The following RNF10 variants were observed in gnomAD, a reference collection of about 807,000 sequenced individuals.
The protein encoded by RNF10 is ring finger protein 10, also known as E3 ubiquitin-protein ligase RNF10.
In RNF10, 38 loss-of-function variants were observed where a neutral mutation model predicts 91.4. That is an observed-to-expected ratio of 0.42 (90% CI 0.32 to 0.54). RNF10 has a LOEUF of 0.54. Among genes scored for constraint, RNF10 ranks in the 20% least tolerant of loss-of-function variants. The probability of loss-of-function intolerance (pLI) is 0.16; values close to 1 mark genes in which losing one functional copy is unlikely to be tolerated. For synonymous variants in RNF10, 364 were observed against 366.3 expected, an observed-to-expected ratio of 0.99 and a Z score of 0.07; for missense variants, 945 against 1,012.0, an observed-to-expected ratio of 0.93 and a Z score of 0.90.
intron 10 of RNF10, among the ~76,000 whole-genome samples, chr12:120,564,175 G>A (rs972111515): frequency 6.6e-6 from 1 of 152,148 alleles, no homozygotes; most frequent in Admixed American, 6.5e-5. Context: ...TTCATTGATT[G>A]TAGTTTGGGG....
chr12:120,560,154 GT>G (rs71076633), intron 6 of RNF10, among the ~76,000 whole-genome samples: 89 of 132,382 alleles, frequency 6.7e-4, no homozygotes, highest in Middle Eastern at 4.1e-3. Flanking sequence ...GGTTTTTTTT[GT>G]TTTTTTTTTT....
intron 1 of RNF10, among the ~76,000 whole-genome samples, chr12:120,539,801 G>T (rs112380143): frequency 0.034 from 5,135 of 151,932 alleles, 293 homozygotes; most frequent in African/African-American, 0.12. Context: ...CTTGGCAGTT[G>T]TTCTCAGTGG....
At chr12:120,575,604 TC>T (rs777259411) in intron 14 of RNF10, 26 bp from the exon 15 acceptor site, 11 of 1,613,764 alleles carry the variant, frequency 6.8e-6, no homozygotes, top group Admixed American at 3.3e-5. Context: ...TTAAATTCTC[TC>T]CCCCACTTCT....
At chr12:120,560,154 G>GTTTTT (rs71076633) in intron 6 of RNF10, among the ~76,000 whole-genome samples, 1 of 132,412 alleles carries the variant, frequency 7.6e-6, no homozygotes, top group Non-Finnish European at 1.6e-5. Context: ...GGTTTTTTTT[G>GTTTTT]TTTTTTTTTT....
chr12:120,541,333 C>T (rs748758109), intron 1 of RNF10, among the ~76,000 whole-genome samples: 2 of 152,044 alleles, frequency 1.3e-5, no homozygotes, highest in African/African-American at 4.8e-5. Context: ...TATACCTATC[C>T]TCGTAGAATC....
At chr12:120,547,579 C>T (rs1477908932) in intron 2 of RNF10, among the ~76,000 whole-genome samples, 9 of 152,162 alleles carry the variant, frequency 5.9e-5, no homozygotes, top group African/African-American at 1.7e-4. Context: ...CAGGCATGAG[C>T]CACCACACCT....
At chr12:120,571,777 T>G (rs1285933504) in intron 14 of RNF10, among the ~76,000 whole-genome samples, 1 of 152,198 alleles carries the variant, frequency 6.6e-6, no homozygotes, top group Non-Finnish European at 1.5e-5. Flanking sequence ...CAGGTGGTAT[T>G]TATCTGTTAC....
intron 13 of RNF10, among the ~76,000 whole-genome samples, chr12:120,569,211 C>T (rs548551393): frequency 5.3e-5 from 8 of 152,176 alleles, no homozygotes; most frequent in African/African-American, 9.6e-5. Context: ...TCAGGTGATC[C>T]GCCAGCTGAC....
At position 120,563,371 on chromosome 12, in the gene RNF10, T is replaced by G; in HGVS notation, c.1279T>G (p.Phe427Val). 1 of 1,612,998 alleles carries G rather than the reference T, an allele frequency of 6.2e-7. No homozygotes were observed. The highest frequency in any genetic ancestry group is 8.5e-7 in the Non-Finnish European group (1 of 1,179,834). The change falls in exon 9 of 17, where the codon TTC becomes GTC. Residue 427 changes from phenylalanine to valine, a missense_variant. Coordinates refer to ENST00000325954, the MANE Select transcript of RNF10 (RefSeq NM_014868.5). Reference protein sequence around the residue: ...RKGVLEYLSAFDEETTEVCSL... With the variant: ...RKGVLEYLSAVDEETTEVCSL... ...GGGTGTGCTGGAGTATCTGTCTGCC[T>G]TCGATGAAGAAACCACGGAAGTTTG... is the stretch of plus-strand genomic sequence containing the variant.
intron 1 of RNF10, among the ~76,000 whole-genome samples, chr12:120,545,558 T>G (rs990557503): frequency 6.6e-6 from 1 of 151,010 alleles, no homozygotes; most frequent in Non-Finnish European, 1.5e-5. Flanking sequence ...AATTTTTTTT[T>G]GAGATAATCT....
At position 120,566,932 on chromosome 12, in the gene RNF10, G is replaced by A; in HGVS notation, c.1993G>A (p.Gly665Arg). The A allele has an allele frequency of 6.2e-7, 1 of 1,612,940 alleles. No homozygotes were observed. ...ALGPTSTEGHGALSISPLSRS... is the reference protein window; with the variant it reads ...ALGPTSTEGHRALSISPLSRS... ...GGGTCCCACCAGCACCGAGGGCCAT[G>A]GGGCCCTCTCCATTTCTCCTCTCAG... is the stretch of plus-strand genomic sequence containing the variant. Residue 665 changes from glycine (G) to arginine (R), a missense_variant, in exon 13 of 17, where the codon GGG becomes AGG. Transcript: ENST00000325954.
intron 4 of RNF10, among the ~76,000 whole-genome samples, chr12:120,555,200 G>A (rs1436394154): frequency 6.6e-6 from 1 of 152,148 alleles, no homozygotes; most frequent in East Asian, 1.9e-4. Flanking sequence ...TTTCTTTTTT[G>A]AGAAAGAGTC....
At position 120,575,921 on chromosome 12, in the gene RNF10, A is replaced by G; in HGVS notation, c.2330A>G (p.Asp777Gly). The change falls in exon 16 of 17, where the codon GAC (aspartate) becomes GGC (glycine). Residue 777 changes from aspartate (D) to glycine (G), a missense_variant. Transcript: ENST00000325954. ...QAIEAAFMKL[D>G]TPATSDPLSE... ...ATTGAAGCAGCCTTCATGAAACTGGACACACCAGCTACTTCAGATCCCCTC... is the reference window on the plus strand; with the variant it reads ...ATTGAAGCAGCCTTCATGAAACTGGGCACACCAGCTACTTCAGATCCCCTC... The G allele has an allele frequency of 6.2e-7, 1 of 1,614,020 alleles. No homozygotes were observed. Among genetic ancestry groups the G allele is most frequent in the Non-Finnish European group, 8.5e-7 (1 of 1,180,036 alleles).
At chr12:120,572,437 G>A (rs1286389886) in intron 14 of RNF10, among the ~76,000 whole-genome samples, 1 of 152,070 alleles carries the variant, frequency 6.6e-6, no homozygotes, top group Non-Finnish European at 1.5e-5. Context: ...TGAGAAATAA[G>A]CAAGAATTGA....
rs753096569 is a variant in RNF10 at position 120,557,500 on chromosome 12, A to G, written c.830+34A>G. 1.9e-5 allele frequency: 30 copies of G among 1,613,798 alleles called. No homozygotes were observed. In the Middle Eastern group the frequency reaches 4.9e-4, roughly 27 times the overall value. On this transcript the variant is annotated intron_variant, in intron 5 of 16. Coordinates refer to ENST00000325954, the MANE Select transcript of RNF10 (RefSeq NM_014868.5). ...GAGACATTTACTCAGTTAGATCCCA[A>G]TCTCTTCACTCCTTGCCCTGCTACA...
chr12:120,535,080 T>G, intron 1 of RNF10, 112 bp downstream of exon 1: 1 of 1,170,394 alleles, frequency 8.5e-7, no homozygotes, highest in Non-Finnish European at 1.2e-6. Flanking sequence ...CTTTTATAGC[T>G]CCTACCTGCC....
chr12:120,565,121 A>C lies in RNF10; in HGVS notation c.1715A>C (p.Glu572Ala). 3 of 1,614,124 alleles carry C rather than the reference A, an allele frequency of 1.9e-6. No homozygotes were observed. The highest frequency in any genetic ancestry group is 2.5e-6 in the Non-Finnish European group (3 of 1,179,988). ...RYLSHLPLTCEFSICELALQP... is the reference protein window; with the variant it reads ...RYLSHLPLTCAFSICELALQP... ...CTCTCTCACTTGCCACTCACCTGTG[A>C]GTTCAGCATCTGTGAACTGGCTTTG... Residue 572 changes from glutamate to alanine, a missense_variant, in exon 11 of 17, where the codon GAG becomes GCG. Physicochemically the swap from Glu to Ala is moderately radical, Grantham distance 107. Coordinates refer to ENST00000325954, the MANE Select transcript of RNF10 (RefSeq NM_014868.5).
chr12:120,572,132 T>A (rs988990748), intron 14 of RNF10, among the ~76,000 whole-genome samples: 1 of 151,704 alleles, frequency 6.6e-6, no homozygotes, highest in Non-Finnish European at 1.5e-5. Context: ...CGTGGCGCGA[T>A]CTTGGCTTGC....
chr12:120,552,840 C>A, intron 3 of RNF10, 142 bp downstream of exon 3: 1 of 701,352 alleles, frequency 1.4e-6, no homozygotes, highest in Non-Finnish European at 2.3e-6. Flanking sequence ...TTCACCACTG[C>A]CCCGCCCTTC....
Sources: allele counts gnomAD v4.1 joint callset (sites outside exome capture counted in the v4.1 genomes callset), GRCh38; gene constraint gnomAD v4.1.1; transcripts MANE v1.5; gene names NCBI Gene and HGNC (gene_info 2026-07-23, HGNC 2026-07-21).